Variants in RBFOX1 observed in about 807,000 individuals in gnomAD.
The protein encoded by RBFOX1 is RNA binding fox-1 homolog 1.
RBFOX1 carries 8 observed loss-of-function variants against 57.7 expected under a neutral mutation model. That is an observed-to-expected ratio of 0.14 (90% confidence interval 0.08 to 0.25). The LOEUF is 0.25. Among genes scored for constraint, RBFOX1 ranks in the 10% least tolerant of loss-of-function variants. The pLI, the probability that RBFOX1 is intolerant of heterozygous loss-of-function variation, is 1.00. For synonymous variants in RBFOX1, 326 were observed against 222.4 expected (o/e 1.47, Z -4.15); for missense variants, 611 against 548.5 (o/e 1.11, Z -1.14).
chr16:7,612,689 G>A (rs533111991), intron 10 of RBFOX1, among the ~76,000 whole-genome samples: 9 of 151,952 alleles, frequency 5.9e-5, no homozygotes, highest in Middle Eastern at 3.4e-3. Context: ...GTTGATTTAC[G>A]GCACCTTTAA....
intron 4 of RBFOX1, among the ~76,000 whole-genome samples, chr16:7,131,826 T>G (rs2070493110): frequency 1.3e-5 from 2 of 152,016 alleles, no homozygotes; most frequent in African/African-American, 4.8e-5. Context: ...AGATTAATTT[T>G]TCCCTACATC....
intron 4 of RBFOX1, among the ~76,000 whole-genome samples, chr16:7,266,795 C>T (rs535774322): frequency 5.9e-4 from 89 of 152,006 alleles, no homozygotes; most frequent in African/African-American, 1.7e-3. Flanking sequence ...AAACATGTAC[C>T]GATTACAGAG....
chr16:6,620,096 A>C (rs746863237), intron 2 of RBFOX1, among the ~76,000 whole-genome samples: 1 of 152,076 alleles, frequency 6.6e-6, no homozygotes, highest in Non-Finnish European at 1.5e-5. Flanking sequence ...CATTTTCTTT[A>C]TCCAGTCTAT....
chr16:7,123,604 A>G (rs1038452979), intron 4 of RBFOX1, among the ~76,000 whole-genome samples: 7 of 152,176 alleles, frequency 4.6e-5, no homozygotes, highest in Admixed American at 1.3e-4. Context: ...GCCTCAAGCA[A>G]TCCTCCTGCC....
rs563421203 is a variant in RBFOX1, at chr16:6,694,878, C to T, written c.-16+40228C>T. On this transcript the variant is annotated intron_variant, in intron 3 of 15. Transcript: ENST00000550418. ...CCCCGGAGCCCTGGGAACCACACGG[C>T]AACACACAGAAGACAGCATGCGTGG... Among the ~76,000 whole-genome samples the T allele has an allele frequency of 2.6e-5, 4 of 151,752 alleles. No homozygotes were observed. In the South Asian group the frequency reaches 8.3e-4, roughly 32 times the overall value.
intron 3 of RBFOX1, among the ~76,000 whole-genome samples, chr16:6,743,862 G>A (rs1171192212): frequency 8.2e-6 from 1 of 122,632 alleles, no homozygotes; most frequent in Non-Finnish European, 1.8e-5. Context: ...CTGATTATTT[G>A]TAACACATTT....
At chr16:5,801,928 T>G (rs913889561) in intron 3 of RBFOX1, among the ~76,000 whole-genome samples, 22 of 152,096 alleles carry the variant, frequency 1.4e-4, no homozygotes, top group African/African-American at 5.3e-4. Context: ...GAAAGCGAAT[T>G]CCCCTCTCCC....
intron 4 of RBFOX1, among the ~76,000 whole-genome samples, chr16:7,238,924 A>G (rs1474486618): frequency 6.6e-6 from 1 of 152,176 alleles, no homozygotes; most frequent in East Asian, 1.9e-4. Context: ...TAGTTTGCTG[A>G]GAATGAGAGC....
chr16:7,054,477 G>A (rs1397226000), intron 4 of RBFOX1, among the ~76,000 whole-genome samples: 6 of 142,554 alleles, frequency 4.2e-5, no homozygotes, highest in African/African-American at 1.5e-4. Flanking sequence ...TCCTGACCTC[G>A]TGATCCGCCA....
intron 3 of RBFOX1, among the ~76,000 whole-genome samples, chr16:6,851,638 G>A (rs1396846312): frequency 2.6e-5 from 4 of 152,140 alleles, no homozygotes; most frequent in Admixed American, 2.0e-4. Flanking sequence ...CAAGCCTCCT[G>A]TTGTCAGGGA....
intron 1 of RBFOX1, among the ~76,000 whole-genome samples, chr16:6,095,361 T>G (rs1005824340): frequency 1.3e-5 from 2 of 152,168 alleles, no homozygotes; most frequent in Admixed American, 1.3e-4. Context: ...GAGTAGGAGC[T>G]CATGAAACTC....
intron 4 of RBFOX1, among the ~76,000 whole-genome samples, chr16:7,149,175 C>G (rs946718869): frequency 1.3e-5 from 2 of 152,048 alleles, no homozygotes; most frequent in Non-Finnish European, 2.9e-5. Context: ...CCCAGTTTCC[C>G]CAATTCTCCT....
intron 2 of RBFOX1, among the ~76,000 whole-genome samples, chr16:6,417,257 A>C (rs889459807): frequency 1.3e-5 from 2 of 151,258 alleles, no homozygotes; most frequent in Non-Finnish European, 3.0e-5. Flanking sequence ...TGATCCACCC[A>C]CCTTGGCTGT....
chr16:6,549,140 A>AAAGCATTCACTTGAAGATACT, intron 2 of RBFOX1, among the ~76,000 whole-genome samples: 1 of 17,506 alleles, frequency 5.7e-5, no homozygotes, highest in South Asian at 4.3e-3. Flanking sequence ...AAGGAGGAGG[A>AAAGCATTCACTTGAAGATACT]GGAGGGAAGG....
intron 1 of RBFOX1, among the ~76,000 whole-genome samples, chr16:6,215,518 G>C (rs1027267496): frequency 6.6e-6 from 1 of 152,028 alleles, no homozygotes; most frequent in Non-Finnish European, 1.5e-5. Flanking sequence ...TTTTTTCTGA[G>C]TTTGTTTATT....
rs145316827 is a variant in RBFOX1 at position 7,176,311 on chromosome 16, C to T, written c.27+124213C>T. ...CATTTTGCATTTCTTTAGCTTTTAT[C>T]GTTTTTATGTTATATTTGATTTTAC... On this transcript the variant is annotated intron_variant, in intron 4 of 15. Transcript: ENST00000550418. 4.0e-3 allele frequency among the ~76,000 whole-genome samples: 608 copies of T among 151,718 alleles called. 7 individuals carry two copies. The highest frequency in any genetic ancestry group is 7.3e-3 in the South Asian group (35 of 4,798).
chr16:6,873,923 C>A (rs563400054), intron 3 of RBFOX1: 2 of 152,248 alleles, frequency 1.3e-5, no homozygotes, highest in East Asian at 3.9e-4. Context: ...AGCACATATA[C>A]TAACATTGGA....
chr16:6,048,523 G>A lies in RBFOX1; in HGVS notation c.-127+28531G>A, dbSNP rs182786319. Among the ~76,000 whole-genome samples, 16 of 152,202 alleles carry A rather than the reference G, an allele frequency of 1.1e-4. No individual in the cohort carries two copies. In the East Asian group the frequency reaches 2.7e-3, roughly 26 times the overall value. ...TACGTGCCTTTTCAAATGATGCATC[G>A]TGGAAAGGTTATTATTAATAAAGGT... On this transcript the variant is annotated intron_variant, in intron 1 of 15. Transcript: ENST00000550418.
At chr16:6,541,842 G>T (rs2096824495) in intron 2 of RBFOX1, among the ~76,000 whole-genome samples, 1 of 152,102 alleles carries the variant, frequency 6.6e-6, no homozygotes. Context: ...CAACTTTAAT[G>T]GTTCAGCTTG....
Sources: gnomAD v4.1 joint callset for allele counts (sites outside exome capture counted in the v4.1 genomes callset) on GRCh38, gnomAD v4.1.1 for gene constraint, MANE v1.5 for transcripts, NCBI Gene and HGNC (gene_info 2026-07-23, HGNC 2026-07-21) for gene names.